The following IQSEC1 variants were observed in gnomAD, a reference collection of about 807,000 sequenced individuals.
The protein encoded by IQSEC1 is IQ motif and SEC7 domain-containing protein 1.
IQSEC1 carries 31 observed loss-of-function variants against 91.0 expected under a neutral mutation model. The observed-to-expected ratio is 0.34, with a 90% CI of 0.26 to 0.46. The LOEUF is 0.46. Among genes scored for constraint, IQSEC1 ranks in the 20% least tolerant of loss-of-function variants. The pLI is 1.00. For synonymous variants in IQSEC1, 699 were observed against 662.6 expected, an observed-to-expected ratio of 1.05 and a Z score of -0.84; for missense variants, 1,388 against 1,575.6, an observed-to-expected ratio of 0.88 and a Z score of 2.02.
In IQSEC1 at chr3:13,253,433, G is replaced by A. The variant is rs112481138; in HGVS notation, c.272+29278C>T. ...CCCGAGGCAGCTTAGCCAAGATGGC[G>A]GGTATTGAGTGGTGCGGTGACACTG... On this transcript the variant is annotated intron_variant, in intron 1 of 15. Coordinates refer to the IQSEC1 transcript ENST00000648114. Among the ~76,000 whole-genome samples, 626 of 152,292 alleles carry A rather than the reference G, an allele frequency of 4.1e-3. 8 individuals carry two copies. The highest frequency in any genetic ancestry group is 0.014 in the African/African-American group (588 of 41,558).
intron 1 of IQSEC1, among the ~76,000 whole-genome samples, chr3:12,978,481 A>G (rs1040640153): frequency 6.6e-6 from 1 of 152,016 alleles, no homozygotes; most frequent in African/African-American, 2.4e-5. Flanking sequence ...GGCGGATCAC[A>G]TGGTCAGGAG....
In IQSEC1 at chr3:12,897,218, C is replaced by G. The variant is rs567912011; in HGVS notation, c.*3765G>C. On this transcript the variant is annotated 3_prime_UTR_variant, in exon 14 of 14. Transcript: ENST00000613206. ...GGACTTTTCAGAAAAAGTGAGAATC[C>G]GAGAGTTTCAAAGGATTTATTTGAT... The G allele has an allele frequency of 5.3e-5, 8 of 152,304 alleles. No homozygotes were observed. The South Asian group carries it at 1.2e-3, about 24-fold the overall frequency. 9.4% of individuals were successfully genotyped at this position (152,304 alleles called of 1,614,324 possible).
intron 1 of IQSEC1, among the ~76,000 whole-genome samples, chr3:12,963,304 A>T (rs933908507): frequency 1.3e-5 from 2 of 152,276 alleles, no homozygotes; most frequent in African/African-American, 4.8e-5. Flanking sequence ...CATTTCCTCC[A>T]AGGAGCAGCG....
intron 1 of IQSEC1, among the ~76,000 whole-genome samples, chr3:13,199,049 T>C (rs577314856): frequency 2.2e-4 from 33 of 152,132 alleles, no homozygotes; most frequent in Admixed American, 1.6e-3. Flanking sequence ...ACATAAAGGG[T>C]GTGGTCAGTC....
chr3:13,277,051 C>T (rs1328102051), intron 1 of IQSEC1, among the ~76,000 whole-genome samples: 1 of 143,054 alleles, frequency 7.0e-6, no homozygotes, highest in Non-Finnish European at 1.5e-5. Context: ...CGGCTGACAC[C>T]CTGACAAGCT....
chr3:13,020,351 A>G (rs537829918), intron 1 of IQSEC1, among the ~76,000 whole-genome samples: 1 of 152,202 alleles, frequency 6.6e-6, no homozygotes, highest in Non-Finnish European at 1.5e-5. Context: ...TCATCCCAAG[A>G]GAACACTTTA....
intron 12 of IQSEC1, among the ~76,000 whole-genome samples, chr3:12,904,836 C>G (rs1286888808): frequency 2.0e-5 from 3 of 152,236 alleles, no homozygotes; most frequent in African/African-American, 7.2e-5. Flanking sequence ...TGGGCCAGCC[C>G]TGAAGGCTGG....
intron 1 of IQSEC1, among the ~76,000 whole-genome samples, chr3:13,045,771 C>T (rs1704471726): frequency 6.6e-6 from 1 of 152,212 alleles, no homozygotes; most frequent in African/African-American, 2.4e-5. Flanking sequence ...AGAGGCCAGG[C>T]TCAGCCCCTA....
intron 1 of IQSEC1, among the ~76,000 whole-genome samples, chr3:12,950,730 C>T (rs1028852862): frequency 6.6e-6 from 1 of 151,886 alleles, no homozygotes; most frequent in African/African-American, 2.4e-5. Context: ...GCAAGCTTCA[C>T]CCCCGGGGTT....
chr3:13,099,279 C>T (rs1706017449), intron 2 of IQSEC1, among the ~76,000 whole-genome samples: 1 of 152,206 alleles, frequency 6.6e-6, no homozygotes, highest in Non-Finnish European at 1.5e-5. Context: ...TCAGGGTCCA[C>T]TAGGGGCACC....
intron 1 of IQSEC1, among the ~76,000 whole-genome samples, chr3:13,258,778 G>A (rs1008808765): frequency 1.3e-5 from 2 of 152,200 alleles, no homozygotes; most frequent in African/African-American, 4.8e-5. Flanking sequence ...ACAACCAGCT[G>A]GGAAAAAGCA....
At chr3:13,188,784 A>G (rs938275763) in intron 1 of IQSEC1, among the ~76,000 whole-genome samples, 9 of 152,266 alleles carry the variant, frequency 5.9e-5, no homozygotes, top group Non-Finnish European at 1.5e-5. Flanking sequence ...GAAAAAGCCA[A>G]CTAGAGGGAA....
At position 13,253,024 on chromosome 3, in the gene IQSEC1, A is replaced by G. The variant is rs369940237; in HGVS notation, c.272+29687T>C. ...TGGGACTACAGGCGTAAGCCACCGC[A>G]CCCGGTCCCTTATTATCTACGTTTT... On this transcript the variant is annotated intron_variant, in intron 1 of 15. Coordinates refer to the IQSEC1 transcript ENST00000648114. 7.9e-5 allele frequency among the ~76,000 whole-genome samples: 12 copies of G among 152,130 alleles called. No homozygotes were observed. The East Asian group carries it at 1.9e-3, about 25-fold the overall frequency.
intron 5 of IQSEC1, among the ~76,000 whole-genome samples, chr3:12,921,761 G>A (rs545483815): frequency 4.4e-4 from 67 of 152,370 alleles, no homozygotes; most frequent in Non-Finnish European, 6.6e-4. Context: ...AGATGGACTT[G>A]TGGATGAATG....
chr3:13,276,339 C>T (rs1176427763), intron 1 of IQSEC1, among the ~76,000 whole-genome samples: 2 of 152,046 alleles, frequency 1.3e-5, no homozygotes, highest in Non-Finnish European at 2.9e-5. Flanking sequence ...CCGCCCGCCT[C>T]GGCCTCCCAA....
At chr3:13,250,085 G>A (rs892393093) in intron 1 of IQSEC1, among the ~76,000 whole-genome samples, 4 of 152,206 alleles carry the variant, frequency 2.6e-5, no homozygotes, top group African/African-American at 4.8e-5. Context: ...ACGGCTCCAC[G>A]TTTCCATGAG....
chr3:12,924,576 C>T lies in IQSEC1; in HGVS notation c.1730+5G>A, dbSNP rs752133354. On this transcript the variant is annotated splice_donor_5th_base_variant and intron_variant, in intron 4 of 13. Coordinates refer to ENST00000613206, the MANE Select transcript of IQSEC1 (RefSeq NM_001134382.3). This position sits in a 1 kb window ranked among gnomAD's most constrained non-coding sequence, Gnocchi z 6.3. The stretch of plus-strand genomic sequence containing the variant: ...GGTCCCCCACCACCCCCATGCAGAA[C>T]TTACTCGAGCACGTCACGGTTGAAC... 1.3e-6 allele frequency: 2 copies of T among 1,588,936 alleles called. No individual in the cohort carries two copies. The highest frequency in any genetic ancestry group is 1.1e-5 in the South Asian group (1 of 88,094).
chr3:13,150,283 TG>T (rs1385547224), intron 2 of IQSEC1, among the ~76,000 whole-genome samples: 2 of 152,236 alleles, frequency 1.3e-5, no homozygotes, highest in Admixed American at 1.3e-4. Context: ...ATCAGACACC[TG>T]GGAAGTCCTA....
At chr3:13,037,811 G>C (rs1704092097) in intron 1 of IQSEC1, among the ~76,000 whole-genome samples, 1 of 152,184 alleles carries the variant, frequency 6.6e-6, no homozygotes, top group Non-Finnish European at 1.5e-5. Flanking sequence ...CCCCAGAGCA[G>C]TGAAATTCAT....
Sources: allele counts gnomAD v4.1 joint callset (sites outside exome capture counted in the v4.1 genomes callset), GRCh38; gene constraint gnomAD v4.1.1; non-coding constraint Gnocchi (gnomAD v3.1); transcripts MANE v1.5; gene names NCBI Gene and HGNC (gene_info 2026-07-23, HGNC 2026-07-21).